Variants in OPCML observed in about 807,000 individuals in gnomAD.
OPCML encodes the protein opioid-binding protein/cell adhesion molecule.
A neutral mutation model predicts 37.8 loss-of-function variants in OPCML; 13 were observed. The observed-to-expected ratio is 0.34, with a 90% CI of 0.22 to 0.55. OPCML has a LOEUF of 0.55. Among genes scored for constraint, OPCML ranks in the 20% least tolerant of loss-of-function variants. OPCML has a pLI of 0.91. For missense variants in OPCML, 341 were observed against 435.6 expected (o/e 0.78, Z 1.93); for synonymous variants, 176 against 168.8 (o/e 1.04, Z -0.33).
Position 132,420,108 on chromosome 11 carries a change from C to A in OPCML, c.*85G>T. On this transcript the variant is annotated 3_prime_UTR_variant, in exon 8 of 8. Coordinates refer to ENST00000524381, the MANE Select transcript of OPCML (RefSeq NM_001012393.5). ...AATAACAGAAAAAAACAAAAAGAAGCCCAAGCTGGTTTGCTCTCCGCAGTG... is the reference window on the plus strand; with the variant it reads ...AATAACAGAAAAAAACAAAAAGAAGACCAAGCTGGTTTGCTCTCCGCAGTG... 1 of 1,031,476 alleles carries A rather than the reference C, an allele frequency of 9.7e-7. No individual in the cohort carries two copies. The highest frequency in any genetic ancestry group is 1.4e-6 in the Non-Finnish European group (1 of 715,278). The allele number at this position is 1,031,476 out of a possible 1,614,324, so 63.9% of individuals were successfully genotyped here. A position where few individuals can be genotyped will look rare whatever the true frequency, so the allele number is the denominator to read the frequency against.
At chr11:133,381,377 T>C (rs1005458890) in intron 1 of OPCML, among the ~76,000 whole-genome samples, 2 of 152,212 alleles carry the variant, frequency 1.3e-5, no homozygotes, top group Non-Finnish European at 2.9e-5. Flanking sequence ...ATCAAATAAA[T>C]GTGTGTCAGT....
chr11:132,707,526 A>G (rs1310392364), intron 2 of OPCML, among the ~76,000 whole-genome samples: 2 of 152,246 alleles, frequency 1.3e-5, no homozygotes, highest in African/African-American at 4.8e-5. Context: ...CAATGAGAAC[A>G]AAAATAGGGC....
chr11:132,419,890 T>C lies in OPCML; in HGVS notation c.*303A>G, dbSNP rs946871019. 1 of 323,634 alleles carries C rather than the reference T, an allele frequency of 3.1e-6. No homozygotes were observed. The highest frequency in any genetic ancestry group is 5.7e-6 in the Non-Finnish European group (1 of 175,902). The allele number at this position is 323,634 out of a possible 1,614,324, so 20.0% of individuals were successfully genotyped here. A position where few individuals can be genotyped will look rare whatever the true frequency, so the allele number is the denominator to read the frequency against. Reference sequence around the variant, plus strand: ...GTGTGGCAGAGGATGTTGTTGGGAATGATGATGAGGAGAGAAGCAGAGGAA... The same window carrying C: ...GTGTGGCAGAGGATGTTGTTGGGAACGATGATGAGGAGAGAAGCAGAGGAA... On this transcript the variant is annotated 3_prime_UTR_variant, in exon 8 of 8. Coordinates refer to ENST00000524381, the MANE Select transcript of OPCML (RefSeq NM_001012393.5).
intron 1 of OPCML, among the ~76,000 whole-genome samples, chr11:133,100,845 C>T (rs947637261): frequency 6.6e-6 from 1 of 152,148 alleles, no homozygotes; most frequent in African/African-American, 2.4e-5. Flanking sequence ...ATGTAAAATA[C>T]GAAACTATAA....
rs928594625 is a variant in OPCML at position 133,007,911 on chromosome 11, A to T, written c.62-64901T>A. The T allele has an allele frequency of 3.0e-6, 3 of 985,326 alleles. No homozygotes were observed. In the African/African-American group the frequency reaches 5.2e-5, roughly 17 times the overall value. The allele number at this position is 985,326 out of a possible 1,614,324, so 61.0% of individuals were successfully genotyped here. On this transcript the variant is annotated intron_variant, in intron 1 of 7. Coordinates refer to ENST00000524381, the MANE Select transcript of OPCML (RefSeq NM_001012393.5). ...GCTTTTCTTGGATATGTTGTCCTGCATTTGAGGTCCATTGTGCATTTATGT... is the reference window on the plus strand; with the variant it reads ...GCTTTTCTTGGATATGTTGTCCTGCTTTTGAGGTCCATTGTGCATTTATGT...
At chr11:133,035,547 A>G (rs760554059) in intron 1 of OPCML, among the ~76,000 whole-genome samples, 10 of 152,188 alleles carry the variant, frequency 6.6e-5, no homozygotes, top group Non-Finnish European at 1.3e-4. Context: ...TTCTTCCAGT[A>G]TGTGGCACAG....
At chr11:133,459,532 G>T (rs927675282) in intron 1 of OPCML, among the ~76,000 whole-genome samples, 5 of 151,898 alleles carry the variant, frequency 3.3e-5, no homozygotes, top group Admixed American at 6.6e-5. Flanking sequence ...ATGGGAAAAG[G>T]TATTCTATGC....
chr11:132,664,881 T>C (rs371259229), intron 2 of OPCML, among the ~76,000 whole-genome samples: 2 of 152,182 alleles, frequency 1.3e-5, no homozygotes, highest in Non-Finnish European at 2.9e-5. Context: ...AGAATGTATC[T>C]GAAAGCCTCT....
At chr11:132,940,572 T>C (rs1945543279) in intron 2 of OPCML, among the ~76,000 whole-genome samples, 1 of 152,196 alleles carries the variant, frequency 6.6e-6, no homozygotes, top group African/African-American at 2.4e-5. Context: ...AGCCATGGGC[T>C]TCTAGAAACT....
chr11:133,166,905 C>T (rs1048510195), intron 1 of OPCML, among the ~76,000 whole-genome samples: 1 of 152,226 alleles, frequency 6.6e-6, no homozygotes, highest in African/African-American at 2.4e-5. Context: ...GGCTTGCACG[C>T]TATCTAGAAG....
intron 1 of OPCML, among the ~76,000 whole-genome samples, chr11:133,508,393 CT>C (rs1565674294): frequency 6.6e-6 from 1 of 152,376 alleles, no homozygotes; most frequent in East Asian, 1.9e-4. Context: ...TCAATGTCTT[CT>C]TTCTCTGAGC....
chr11:132,587,052 T>C (rs572844613), intron 3 of OPCML, among the ~76,000 whole-genome samples: 1 of 152,200 alleles, frequency 6.6e-6, no homozygotes, highest in African/African-American at 2.4e-5. Context: ...AGATCCAGAA[T>C]AGAAAGCTGC....
chr11:133,014,210 C>T (rs140532808), intron 1 of OPCML, among the ~76,000 whole-genome samples: 19 of 152,260 alleles, frequency 1.2e-4, no homozygotes, highest in Non-Finnish European at 2.8e-4. Context: ...ACTAACTGTT[C>T]TTGAAGATGC....
At chr11:132,871,292 C>CTTGAT (rs1294724557) in intron 2 of OPCML, among the ~76,000 whole-genome samples, 5 of 151,692 alleles carry the variant, frequency 3.3e-5, no homozygotes, top group African/African-American at 1.2e-4. Flanking sequence ...ACATCAATGC[C>CTTGAT]TTGATTTGAT....
intron 1 of OPCML, among the ~76,000 whole-genome samples, chr11:133,077,439 G>C (rs1211247698): frequency 6.6e-6 from 1 of 152,112 alleles, no homozygotes; most frequent in African/African-American, 2.4e-5. Flanking sequence ...TGTAAAACTG[G>C]ATTCTATACA....
chr11:133,349,992 G>C (rs1475971405), intron 1 of OPCML, among the ~76,000 whole-genome samples: 2 of 152,210 alleles, frequency 1.3e-5, no homozygotes, highest in Admixed American at 1.3e-4. Context: ...GAACAGATAT[G>C]AAGCAGTGAA....
chr11:133,367,198 C>T (rs1944561918), intron 1 of OPCML, among the ~76,000 whole-genome samples: 1 of 152,120 alleles, frequency 6.6e-6, no homozygotes. Flanking sequence ...AGGATGGTCT[C>T]CATCTCCTGA....
chr11:132,494,838 A>G (rs554468554), intron 4 of OPCML, among the ~76,000 whole-genome samples: 24 of 152,356 alleles, frequency 1.6e-4, no homozygotes, highest in South Asian at 1.4e-3. Flanking sequence ...GGAATGGAAC[A>G]TGACACCTGT....
chr11:133,394,888 C>T (rs1565611560), intron 1 of OPCML, among the ~76,000 whole-genome samples: 1 of 152,142 alleles, frequency 6.6e-6, no homozygotes, highest in African/African-American at 2.4e-5. Context: ...GAGTATATAC[C>T]CATAAATGGG....
Sources: gnomAD v4.1 joint callset for allele counts (sites outside exome capture counted in the v4.1 genomes callset) on GRCh38, gnomAD v4.1.1 for gene constraint, MANE v1.5 for transcripts, NCBI Gene and HGNC (gene_info 2026-07-23, HGNC 2026-07-21) for gene names.